The following ZNF536 variants were observed in gnomAD, a reference collection of about 807,000 sequenced individuals.
ZNF536 encodes the protein zinc finger protein 536.
In ZNF536, 13 loss-of-function variants were observed where a neutral mutation model predicts 84.5. The ratio of observed to expected loss-of-function variants is 0.15; its 90% CI spans 0.10 to 0.24. The LOEUF is 0.24. Among genes scored for constraint, ZNF536 ranks in the 10% least tolerant of loss-of-function variants. ZNF536 has a pLI of 1.00. For synonymous variants in ZNF536, 811 were observed against 742.5 expected (o/e 1.09, Z -1.50); for missense variants, 1,536 against 1,747.5 (o/e 0.88, Z 2.16).
At chr19:30,385,771 G>T (rs530730461) in intron 1 of ZNF536, among the ~76,000 whole-genome samples, 10 of 152,174 alleles carry the variant, frequency 6.6e-5, no homozygotes, top group African/African-American at 2.2e-4. Context: ...GTGCAACTCC[G>T]CCTCCATCAT....
At chr19:30,260,399 GATAAGAGGATTCTCCTACT>G (rs1180008821) in intron 1 of ZNF536, among the ~76,000 whole-genome samples, 2 of 152,184 alleles carry the variant, frequency 1.3e-5, no homozygotes, top group African/African-American at 4.8e-5. Flanking sequence ...TGCTGGGCAG[GATAAGAGGATTCTCCTACT>G]CATTGCAGAG....
At chr19:30,594,562 A>G (rs1480455753) in intron 1 of ZNF536, among the ~76,000 whole-genome samples, 3 of 152,116 alleles carry the variant, frequency 2.0e-5, no homozygotes, top group Non-Finnish European at 2.9e-5. Context: ...GACATTGACT[A>G]TGATGGATTA....
chr19:30,256,052 C>G (rs2024901569), intron 1 of ZNF536, among the ~76,000 whole-genome samples: 1 of 152,214 alleles, frequency 6.6e-6, no homozygotes, highest in Non-Finnish European at 1.5e-5. Flanking sequence ...GCTGTTCCTT[C>G]CAGACCTGTG....
intron 1 of ZNF536, among the ~76,000 whole-genome samples, chr19:30,640,227 ACAGAG>A (rs2049218842): frequency 6.0e-5 from 1 of 16,576 alleles, no homozygotes; most frequent in Non-Finnish European, 1.0e-3. Context: ...AGCCTGGGCA[ACAGAG>A]TGAGAGTGAG....
intron 2 of ZNF536, among the ~76,000 whole-genome samples, chr19:30,287,304 C>T (rs1340288587): frequency 9.9e-5 from 10 of 100,830 alleles, no homozygotes; most frequent in Non-Finnish European, 1.3e-4. Flanking sequence ...GATGAGTGGA[C>T]GGATGAATAG....
intron 2 of ZNF536, among the ~76,000 whole-genome samples, chr19:30,351,218 C>T (rs929177302): frequency 3.3e-5 from 5 of 152,164 alleles, no homozygotes; most frequent in African/African-American, 4.8e-5. Context: ...TCGATTTACA[C>T]GGCCACATGA....
At chr19:30,275,360 C>A (rs1405501873) in intron 1 of ZNF536, among the ~76,000 whole-genome samples, 1 of 152,200 alleles carries the variant, frequency 6.6e-6, no homozygotes, top group Non-Finnish European at 1.5e-5. Context: ...CAGAACCACC[C>A]ACCTTTTGCT....
At chr19:30,285,818 C>T (rs1057124454) in intron 2 of ZNF536, among the ~76,000 whole-genome samples, 3 of 152,222 alleles carry the variant, frequency 2.0e-5, no homozygotes, top group African/African-American at 7.2e-5. Context: ...TAGCATGCCT[C>T]CACCAACACT....
intron 1 of ZNF536, among the ~76,000 whole-genome samples, chr19:30,279,811 TCTAAAC>T (rs1450495980): frequency 6.6e-6 from 1 of 152,194 alleles, no homozygotes; most frequent in African/African-American, 2.4e-5. Flanking sequence ...CCTCTGGAGC[TCTAAAC>T]CATGTCCTTC....
chr19:30,480,328 A>G (rs1167195268), intron 2 of ZNF536, among the ~76,000 whole-genome samples: 1 of 152,118 alleles, frequency 6.6e-6, no homozygotes, highest in Non-Finnish European at 1.5e-5. Flanking sequence ...CTCCTTCCCC[A>G]ACGTGATGTC....
intron 1 of ZNF536, among the ~76,000 whole-genome samples, chr19:30,420,557 T>C (rs574049765): frequency 1.3e-5 from 2 of 152,326 alleles, no homozygotes; most frequent in South Asian, 4.1e-4. Flanking sequence ...TGTGTGTTAA[T>C]TACAACAAGC....
At chr19:30,496,324 C>T (rs1337222679) in intron 2 of ZNF536, among the ~76,000 whole-genome samples, 4 of 152,178 alleles carry the variant, frequency 2.6e-5, no homozygotes, top group Non-Finnish European at 4.4e-5. Flanking sequence ...GCCAGCTCTT[C>T]CAGGAAGCTT....
At chr19:30,402,796 A>AAT (rs869301101) in intron 1 of ZNF536, among the ~76,000 whole-genome samples, 2,253 of 85,588 alleles carry the variant, frequency 0.026, 62 homozygotes, top group Middle Eastern at 0.086. Flanking sequence ...AAAATTAAAA[A>AAT]ATATATATAT....
At chr19:30,543,563 G>T (rs2146088013) in intron 3 of ZNF536, among the ~76,000 whole-genome samples, 1 of 152,378 alleles carries the variant, frequency 6.6e-6, no homozygotes, top group Admixed American at 6.5e-5. Context: ...CCTGGGATTT[G>T]CTAGAGTTAG....
intron 2 of ZNF536, among the ~76,000 whole-genome samples, chr19:30,496,502 G>A (rs1025715791): frequency 4.6e-5 from 7 of 152,230 alleles, no homozygotes; most frequent in African/African-American, 1.7e-4. Flanking sequence ...GCACTGAGCA[G>A]TGAGCTGAGA....
chr19:30,397,715 A>G (rs190691349), intron 1 of ZNF536, among the ~76,000 whole-genome samples: 70 of 152,348 alleles, frequency 4.6e-4, no homozygotes, highest in African/African-American at 1.5e-3. Flanking sequence ...TTTCAGTACT[A>G]GAAGCCAAAC....
chr19:30,703,887 T>G (rs2052105600), intron 1 of ZNF536, among the ~76,000 whole-genome samples: 1 of 152,090 alleles, frequency 6.6e-6, no homozygotes, highest in South Asian at 2.1e-4. Context: ...AAGCCTTGAG[T>G]TCTAGTGGTT....
At chr19:30,451,975 T>A (rs935870831) in intron 2 of ZNF536, among the ~76,000 whole-genome samples, 7 of 152,250 alleles carry the variant, frequency 4.6e-5, no homozygotes, top group African/African-American at 1.7e-4. Context: ...AAGCATTAGC[T>A]GCGTGATTTC....
intron 1 of ZNF536, among the ~76,000 whole-genome samples, chr19:30,435,060 A>C (rs540459338): frequency 6.9e-6 from 1 of 144,878 alleles, no homozygotes; most frequent in African/African-American, 2.6e-5. Flanking sequence ...GATGATGCTG[A>C]TGATGGTGAT....
Sources: allele counts gnomAD v4.1 joint callset (sites outside exome capture counted in the v4.1 genomes callset), GRCh38; gene constraint gnomAD v4.1.1; transcripts MANE v1.5; gene names NCBI Gene and HGNC (gene_info 2026-07-23, HGNC 2026-07-21).